The following LRP1B variants were observed in gnomAD, a reference collection of about 807,000 sequenced individuals.
LRP1B encodes the protein low-density lipoprotein receptor-related protein 1B.
In LRP1B, 217 loss-of-function variants were observed where a neutral mutation model predicts 556.6. The ratio of observed to expected loss-of-function variants is 0.39; its 90% confidence interval spans 0.35 to 0.44. The LOEUF (loss-of-function observed/expected upper bound fraction) is 0.44, where lower values mean the gene tolerates loss of function less well. Ranked by LOEUF, LRP1B falls within the 20% of genes least tolerant of loss-of-function variation. The probability of loss-of-function intolerance (pLI) is 1.00; values close to 1 mark genes in which losing one functional copy is unlikely to be tolerated. For missense variants in LRP1B, 5,053 were observed against 5,620.8 expected (o/e 0.90, Z 3.23); for synonymous variants, 2,047 against 1,865.8 (o/e 1.10, Z -2.50).
At chr2:140,262,086 GA>G (rs1376422392) in intron 86 of LRP1B, among the ~76,000 whole-genome samples, 5 of 151,804 alleles carry the variant, frequency 3.3e-5, no homozygotes, top group Non-Finnish European at 7.4e-5. Context: ...AAGATCAGAA[GA>G]AAATGAAATA....
intron 3 of LRP1B, among the ~76,000 whole-genome samples, chr2:141,263,728 T>C (rs143553778): frequency 6.6e-6 from 1 of 152,174 alleles, no homozygotes; most frequent in African/African-American, 2.4e-5. Context: ...ACATTCCTTA[T>C]GAATATAGAT....
intron 1 of LRP1B, among the ~76,000 whole-genome samples, chr2:142,065,354 C>CT (rs1297758999): frequency 6.6e-6 from 1 of 151,134 alleles, no homozygotes; most frequent in Non-Finnish European, 1.5e-5. Context: ...AAGATCCCCC[C>CT]TTTCCTTTGT....
At chr2:141,630,740 A>T (rs536282488) in intron 2 of LRP1B, among the ~76,000 whole-genome samples, 14 of 152,342 alleles carry the variant, frequency 9.2e-5, no homozygotes, top group Admixed American at 2.0e-4. Context: ...TCCTTGCAAG[A>T]ATATGCACAG....
intron 72 of LRP1B, among the ~76,000 whole-genome samples, chr2:140,362,154 C>A (rs778395800): frequency 1.3e-4 from 20 of 151,630 alleles, no homozygotes; most frequent in Non-Finnish European, 2.2e-4. Flanking sequence ...GCCTAAAGTG[C>A]CGCCATGGTG....
chr2:141,487,401 G>A (rs1202599240), intron 2 of LRP1B, among the ~76,000 whole-genome samples: 2 of 151,980 alleles, frequency 1.3e-5, no homozygotes, highest in Non-Finnish European at 2.9e-5. Flanking sequence ...TTAACTCCTG[G>A]CTAATTTCTA....
intron 7 of LRP1B, among the ~76,000 whole-genome samples, chr2:141,115,654 TG>T (rs1441210824): frequency 1.0e-4 from 13 of 123,836 alleles, no homozygotes; most frequent in Admixed American, 2.6e-4. Context: ...TGTGTGTGTG[TG>T]TGTTTTTTAG....
chr2:140,595,096 A>ATCTATATCTATC (rs1558992070), intron 43 of LRP1B, among the ~76,000 whole-genome samples: 1 of 46,228 alleles, frequency 2.2e-5, no homozygotes, highest in African/African-American at 1.0e-4. Context: ...GAATATATAT[A>ATCTATATCTATC]TATATATATA....
At chr2:141,517,452 G>A (rs1326431886) in intron 2 of LRP1B, among the ~76,000 whole-genome samples, 2 of 152,082 alleles carry the variant, frequency 1.3e-5, no homozygotes, top group African/African-American at 2.4e-5. Flanking sequence ...ACAGAGCGGG[G>A]ATTCTGTCTG....
At chr2:141,967,745 A>G (rs987766516) in intron 1 of LRP1B, among the ~76,000 whole-genome samples, 1 of 151,934 alleles carries the variant, frequency 6.6e-6, no homozygotes, top group South Asian at 2.1e-4. Context: ...TAAAGAGAAG[A>G]TGTGTACTTA....
At chr2:141,868,484 C>T (rs931083534) in intron 1 of LRP1B, among the ~76,000 whole-genome samples, 4 of 152,088 alleles carry the variant, frequency 2.6e-5, no homozygotes, top group Non-Finnish European at 5.9e-5. Flanking sequence ...TAAAATCCAC[C>T]CTGTCATTTT....
intron 2 of LRP1B, among the ~76,000 whole-genome samples, chr2:141,562,987 G>A (rs1001627938): frequency 1.3e-5 from 2 of 152,002 alleles, no homozygotes; most frequent in African/African-American, 4.8e-5. Flanking sequence ...AAAGGTAGAG[G>A]TAGCAGAAAT....
At chr2:141,669,452 C>T (rs891679991) in intron 2 of LRP1B, among the ~76,000 whole-genome samples, 8 of 152,080 alleles carry the variant, frequency 5.3e-5, no homozygotes, top group Non-Finnish European at 1.0e-4. Flanking sequence ...CCCTACAAAA[C>T]TCATGCACTG....
intron 2 of LRP1B, among the ~76,000 whole-genome samples, chr2:141,595,709 C>A (rs758150060): frequency 6.6e-6 from 1 of 152,064 alleles, no homozygotes; most frequent in Non-Finnish European, 1.5e-5. Flanking sequence ...TATGGTTAAA[C>A]AGAAGTCACA....
intron 2 of LRP1B, among the ~76,000 whole-genome samples, chr2:141,575,691 C>A (rs1438818038): frequency 6.8e-6 from 1 of 147,164 alleles, no homozygotes; most frequent in Non-Finnish European, 1.5e-5. Flanking sequence ...AAAACTTTTG[C>A]AATCTACTGA....
At chr2:140,651,853 T>A (rs1359655071) in intron 41 of LRP1B, among the ~76,000 whole-genome samples, 1 of 152,118 alleles carries the variant, frequency 6.6e-6, no homozygotes, top group Non-Finnish European at 1.5e-5. Context: ...TCAAACAGGT[T>A]TGCCTTCCAG....
chr2:140,756,194 A>C (rs1474744627), intron 35 of LRP1B, among the ~76,000 whole-genome samples: 1 of 152,038 alleles, frequency 6.6e-6, no homozygotes, highest in Non-Finnish European at 1.5e-5. Flanking sequence ...AGACTCAAAT[A>C]AATAGAAAGC....
chr2:141,310,392 C>T (rs73962902), intron 3 of LRP1B, among the ~76,000 whole-genome samples: 3,343 of 152,198 alleles, frequency 0.022, 117 homozygotes, highest in African/African-American at 0.077. Context: ...AATATTAGTG[C>T]ATACCTCGTA....
At chr2:140,443,631 T>A (rs576695029) in intron 65 of LRP1B, among the ~76,000 whole-genome samples, 1 of 152,338 alleles carries the variant, frequency 6.6e-6, no homozygotes, top group African/African-American at 2.4e-5. Context: ...GCTCCATTAG[T>A]CACATAATCT....
intron 63 of LRP1B, among the ~76,000 whole-genome samples, chr2:140,448,285 G>A (rs889631428): frequency 1.3e-5 from 2 of 152,056 alleles, no homozygotes; most frequent in Admixed American, 1.3e-4. Context: ...AAATCATTAT[G>A]TTGTAACACT....
Sources: gnomAD v4.1 joint callset for allele counts (sites outside exome capture counted in the v4.1 genomes callset) on GRCh38, gnomAD v4.1.1 for gene constraint, MANE v1.5 for transcripts, NCBI Gene and HGNC (gene_info 2026-07-23, HGNC 2026-07-21) for gene names.